TBCK: variants seen among roughly 807,000 people sequenced by gnomAD.
The protein encoded by TBCK is TBC1 domain containing kinase, also known as TBC domain-containing protein kinase-like protein.
In TBCK, 99 loss-of-function variants were observed where a neutral mutation model predicts 113.4. The ratio of observed to expected loss-of-function variants is 0.87; its 90% CI spans 0.74 to 1.03. The LOEUF is 1.03. TBCK is among the 50% of genes least tolerant of loss of function. The pLI is 0.00. For synonymous variants in TBCK, 369 were observed against 370.8 expected (o/e 1.00, Z 0.05); for missense variants, 1,045 against 1,061.3 (o/e 0.98, Z 0.21).
chr4:106,229,039 T>TC (rs1426096956), intron 19 of TBCK, among the ~76,000 whole-genome samples: 5 of 152,146 alleles, frequency 3.3e-5, no homozygotes, highest in African/African-American at 1.2e-4. Context: ...CATGTGTATG[T>TC]CTTCTTTTGA....
chr4:106,057,954 A>C (rs1451919506), intron 25 of TBCK, among the ~76,000 whole-genome samples: 2 of 151,742 alleles, frequency 1.3e-5, no homozygotes, highest in Non-Finnish European at 3.0e-5. Flanking sequence ...CATTGTCCTG[A>C]ATTAAACTAG....
Position 106,233,598 on chromosome 4 carries a change from G to A in TBCK, c.1502C>T (p.Thr501Ile), listed in dbSNP as rs1439727804. Reference protein sequence around the residue: ...DAIDKDTPIPTDRQIEVDIPR... With the variant: ...DAIDKDTPIPIDRQIEVDIPR... ...AAACCTAAATCATACTTGTCTATCT[G>A]TAGGAATTGGAGTGTCTTTATCAAT... Residue 501 changes from threonine (T) to isoleucine (I), a missense_variant, in exon 16 of 26, where the codon ACA becomes ATA. Coordinates refer to ENST00000394708, the MANE Select transcript of TBCK (RefSeq NM_001163435.3). The A allele has an allele frequency of 3.1e-6, 5 of 1,610,828 alleles. No homozygotes were observed. Among genetic ancestry groups the A allele is most frequent in the Non-Finnish European group, 4.2e-6 (5 of 1,178,128 alleles).
intron 10 of TBCK, among the ~76,000 whole-genome samples, chr4:106,245,606 G>A (rs1304898677): frequency 6.6e-6 from 1 of 152,112 alleles, no homozygotes; most frequent in Non-Finnish European, 1.5e-5. Flanking sequence ...TCCTACTGGA[G>A]GTATGCCATG....
rs1756311077 is a variant in TBCK at position 106,212,767 on chromosome 4, T to C, written c.1843A>G (p.Ile615Val). ...DPELSNHLNE[I>V]GFIPDLYAIP... ...GTACTTACATCTGGAATGAAACCAA[T>C]CTCATTGAGATGATTACTCAGCTCT... Residue 615 changes from isoleucine to valine, a missense_variant, in exon 20 of 26, where the codon ATT becomes GTT. Transcript: ENST00000394708. 1 of 1,610,174 alleles carries C rather than the reference T, an allele frequency of 6.2e-7. No homozygotes were observed. Among genetic ancestry groups the C allele is most frequent in the Non-Finnish European group, 8.5e-7 (1 of 1,177,766 alleles).
rs1174813877 is a variant in TBCK, at chr4:106,298,668, T to C, written c.194-3502A>G. Among the ~76,000 whole-genome samples, 3 of 151,972 alleles carry C rather than the reference T, an allele frequency of 2.0e-5. No individual in the cohort carries two copies. In the East Asian group the frequency reaches 5.8e-4, roughly 29 times the overall value. On this transcript the variant is annotated intron_variant, in intron 2 of 25. Transcript: ENST00000394708. Reference sequence around the variant, plus strand: ...TTCCTTCAAGTGAAAAGGTGAAAGTTCTCGACTTGATAAGGAAAGAAAAAA... The same window carrying C: ...TTCCTTCAAGTGAAAAGGTGAAAGTCCTCGACTTGATAAGGAAAGAAAAAA...
At chr4:106,145,020 CAAAAA>C (rs34322527) in intron 23 of TBCK, among the ~76,000 whole-genome samples, 2 of 88,702 alleles carry the variant, frequency 2.3e-5, no homozygotes, top group Middle Eastern at 6.0e-3. Context: ...AACTCCGTGT[CAAAAA>C]AAAAAAAAAA....
intron 24 of TBCK, among the ~76,000 whole-genome samples, chr4:106,103,991 A>G (rs924744451): frequency 6.6e-6 from 1 of 152,222 alleles, no homozygotes; most frequent in Non-Finnish European, 1.5e-5. Flanking sequence ...TGCAACCCTC[A>G]GGTCAGGAGA....
chr4:106,099,611 G>T (rs1009783098), intron 24 of TBCK, among the ~76,000 whole-genome samples: 12 of 152,102 alleles, frequency 7.9e-5, no homozygotes, highest in African/African-American at 2.9e-4. Context: ...TCTATTGATA[G>T]TCTGAATGGC....
rs1046775169 is a variant in TBCK, at chr4:106,194,357, G to T, written c.1897+361C>A. Among the ~76,000 whole-genome samples, 8 of 151,982 alleles carry T rather than the reference G, an allele frequency of 5.3e-5. No homozygotes were observed. In the East Asian group the frequency reaches 1.4e-3, roughly 26 times the overall value. On this transcript the variant is annotated intron_variant, in intron 21 of 25. Coordinates refer to ENST00000394708, the MANE Select transcript of TBCK (RefSeq NM_001163435.3). ...CACATAATCTGCTTAATTTCTAGAGGAATCCTAGTTTAAAAAATAAAAGTT... is the reference window on the plus strand; with the variant it reads ...CACATAATCTGCTTAATTTCTAGAGTAATCCTAGTTTAAAAAATAAAAGTT...
intron 5 of TBCK, 79 bp from the exon 6 acceptor site, chr4:106,252,086 G>T: frequency 8.3e-7 from 1 of 1,205,756 alleles, no homozygotes; most frequent in Non-Finnish European, 1.1e-6. Flanking sequence ...AATGTGGTAA[G>T]ATCTATGTAA....
chr4:106,263,661 T>C (rs1325829099), intron 3 of TBCK, among the ~76,000 whole-genome samples: 1 of 151,980 alleles, frequency 6.6e-6, no homozygotes, highest in Non-Finnish European at 1.5e-5. Flanking sequence ...AATTATACCT[T>C]AATAATCCTG....
Position 106,232,971 on chromosome 4 carries a change from C to T in TBCK, c.1606G>A (p.Val536Ile). 6.2e-7 allele frequency: 1 copy of T among 1,612,242 alleles called. No homozygotes were observed. Among genetic ancestry groups the T allele is most frequent in the Non-Finnish European group, 8.5e-7 (1 of 1,178,796 alleles). Residue 536 changes from valine (V) to isoleucine (I), a missense_variant, in exon 17 of 26, where the codon GTA (valine) becomes ATA (isoleucine). By Grantham distance (29) the Val-to-Ile change is conservative (BLOSUM62 3). Transcript: ENST00000394708. ...AKFRRVLKAW[V>I]VSHPDLVYWQ... ...TACACAAGATCAGGATGAGACACTA[C>T]CCAGGCTTTTAATACACGCCTAAAT...
chr4:106,308,769 A>G lies in TBCK; in HGVS notation c.192T>C (p.His64=), dbSNP rs1207182790. The G allele has an allele frequency of 2.5e-6, 4 of 1,606,360 alleles. No individual in the cohort carries two copies. Among genetic ancestry groups the G allele is most frequent in the Middle Eastern group, 1.7e-4 (1 of 6,024 alleles). ...AGGAAAAAAAAGAAAATAACTTACC[A>G]TGCTTTCCCCTAGAAATATCCACAT... The part of the protein sequence containing the change: ...CQYVDISRGK[H]ERLVVVAEHC... Residue 64 remains histidine (H), a splice_region_variant and synonymous_variant, in exon 2 of 26, where the codon CAT becomes CAC. Coordinates refer to ENST00000394708, the MANE Select transcript of TBCK (RefSeq NM_001163435.3).
chr4:106,150,207 A>C (rs1485868708), intron 23 of TBCK, among the ~76,000 whole-genome samples: 5 of 152,172 alleles, frequency 3.3e-5, no homozygotes, highest in South Asian at 4.1e-4. Context: ...GAAAAAGTTA[A>C]CTTGCGGCAA....
intron 23 of TBCK, among the ~76,000 whole-genome samples, chr4:106,118,541 C>T (rs1245732083): frequency 1.3e-5 from 2 of 152,126 alleles, no homozygotes; most frequent in East Asian, 3.8e-4. Context: ...ACAATCAATG[C>T]TTCCATCTCC....
intron 25 of TBCK, among the ~76,000 whole-genome samples, chr4:106,070,804 A>G (rs2149476351): frequency 6.6e-6 from 1 of 152,290 alleles, no homozygotes; most frequent in East Asian, 1.9e-4. Context: ...GCTATTAATT[A>G]TTGCCTCAAT....
At chr4:106,148,152 C>T (rs971670094) in intron 23 of TBCK, among the ~76,000 whole-genome samples, 35 of 152,292 alleles carry the variant, frequency 2.3e-4, no homozygotes, top group African/African-American at 5.1e-4. Context: ...CAATGGTGCC[C>T]GAAACTTCAT....
At chr4:106,269,757 G>A (rs1278110785) in intron 3 of TBCK, among the ~76,000 whole-genome samples, 1 of 152,134 alleles carries the variant, frequency 6.6e-6, no homozygotes. Context: ...ATAGAACCCT[G>A]TAAGTCTGGA....
rs186890868 is a variant in TBCK, at chr4:106,314,056, T to C, written c.-30+1875A>G. On this transcript the variant is annotated intron_variant, in intron 1 of 25. Transcript: ENST00000394708. The stretch of plus-strand genomic sequence containing the variant: ...TTGGACTTGCTCTAAGTAACAACTA[T>C]AAAGCCATAATACTGTAAACATTTT... 9.3e-4 allele frequency among the ~76,000 whole-genome samples: 141 copies of C among 152,320 alleles called. 1 individual carries two copies. Among genetic ancestry groups the C allele is most frequent in the African/African-American group, 3.3e-3 (139 of 41,566 alleles).
Sources: allele counts gnomAD v4.1 joint callset (sites outside exome capture counted in the v4.1 genomes callset), GRCh38; gene constraint gnomAD v4.1.1; transcripts MANE v1.5; gene names NCBI Gene and HGNC (gene_info 2026-07-23, HGNC 2026-07-21).